The following BIN1 variants were observed in gnomAD, a reference collection of about 807,000 sequenced individuals.
The protein encoded by BIN1 is bridging integrator 1.
In BIN1, 53 loss-of-function variants were observed where a neutral mutation model predicts 82.0. The observed-to-expected ratio is 0.65, with a 90% CI of 0.52 to 0.81. BIN1 has a LOEUF of 0.81. Among genes scored for constraint, BIN1 ranks in the 40% least tolerant of loss-of-function variants. The pLI is 0.00. For synonymous variants in BIN1, 302 were observed against 328.0 expected, an observed-to-expected ratio of 0.92 and a Z score of 0.86; for missense variants, 642 against 784.4, an observed-to-expected ratio of 0.82 and a Z score of 2.17.
In BIN1 at chr2:127,068,858, G is replaced by A. The variant is rs1685495187; in HGVS notation, c.519+66C>T. Reference sequence around the variant, plus strand: ...GGCAGGAGGAAGCCTCCACCCTCGGGGTCCTAGACACCCGCCCTCTCTCAG... The same window carrying A: ...GGCAGGAGGAAGCCTCCACCCTCGGAGTCCTAGACACCCGCCCTCTCTCAG... On this transcript the variant is annotated intron_variant, in intron 6 of 18. Transcript: ENST00000316724. This position sits in a 1 kb window ranked among gnomAD's most constrained non-coding sequence, Gnocchi z 4.9. 1.4e-6 allele frequency: 2 copies of A among 1,465,176 alleles called. No individual in the cohort carries two copies. The highest frequency in any genetic ancestry group is 1.4e-5 in the African/African-American group (1 of 71,926). 90.8% of individuals were successfully genotyped at this position (1,465,176 alleles called of 1,614,324 possible).
intron 1 of BIN1, among the ~76,000 whole-genome samples, chr2:127,097,154 C>G (rs977055990): frequency 3.3e-5 from 5 of 152,216 alleles, no homozygotes; most frequent in African/African-American, 9.7e-5. Flanking sequence ...TGACCCAGCT[C>G]TGCAACAAAA....
At chr2:127,100,633 A>C (rs185842969) in intron 1 of BIN1, among the ~76,000 whole-genome samples, 53 of 152,320 alleles carry the variant, frequency 3.5e-4, no homozygotes, top group Admixed American at 7.2e-4. Context: ...CATTATGTTT[A>C]AGTTAATATT....
intron 1 of BIN1, among the ~76,000 whole-genome samples, chr2:127,106,582 G>A (rs1048692369): frequency 5.3e-5 from 8 of 152,166 alleles, no homozygotes; most frequent in African/African-American, 1.9e-4. Context: ...GAGCAGGGCC[G>A]GCCACTGCTG....
At chr2:127,085,709 T>C (rs1312386089) in intron 1 of BIN1, among the ~76,000 whole-genome samples, 1 of 152,120 alleles carries the variant, frequency 6.6e-6, no homozygotes, top group Non-Finnish European at 1.5e-5. Flanking sequence ...TCTGGGGGAA[T>C]GGGGTCCTCC....
intron 1 of BIN1, among the ~76,000 whole-genome samples, chr2:127,086,732 C>T (rs991132269): frequency 2.0e-5 from 3 of 151,950 alleles, no homozygotes; most frequent in Non-Finnish European, 4.4e-5. Flanking sequence ...GGTTTCGAAC[C>T]CCTGACCTCG....
chr2:127,074,651 C>T (rs1291467582), intron 2 of BIN1, among the ~76,000 whole-genome samples: 1 of 152,218 alleles, frequency 6.6e-6, no homozygotes, highest in African/African-American at 2.4e-5. Context: ...CACACAGAGT[C>T]TCAGCTCCCA....
Position 127,106,971 on chromosome 2 carries a change from G to A in BIN1, c.-28C>T, listed in dbSNP as rs1392585207. ...CGGCGCAGGCCTCGCCCGGTGGCAGGGGCCGCTCTCGCGCGGGGAGATCTT... is the reference window on the plus strand; with the variant it reads ...CGGCGCAGGCCTCGCCCGGTGGCAGAGGCCGCTCTCGCGCGGGGAGATCTT... On this transcript the variant is annotated 5_prime_UTR_variant, in exon 1 of 19. Transcript: ENST00000316724. 6 of 1,598,976 alleles carry A rather than the reference G, an allele frequency of 3.8e-6. No individual in the cohort carries two copies. The highest frequency in any genetic ancestry group is 4.6e-5 in the East Asian group (2 of 43,134).
chr2:127,077,451 G>A (rs981530152), intron 1 of BIN1, among the ~76,000 whole-genome samples: 9 of 152,180 alleles, frequency 5.9e-5, no homozygotes, highest in African/African-American at 2.2e-4. Flanking sequence ...TGAAGGATGG[G>A]TGGGCAAGGG....
chr2:127,101,003 GGGT>G lies in BIN1; in HGVS notation c.84+5854_84+5856del, dbSNP rs386650193. 2.9e-5 allele frequency among the ~76,000 whole-genome samples: 4 copies of G among 137,752 alleles called. 1 individual carries two copies. Among genetic ancestry groups the G allele is most frequent in the Admixed American group, 7.0e-5 (1 of 14,302 alleles). 90.4% of individuals were successfully genotyped at this position (137,752 alleles called of 152,430 possible). A position where few individuals can be genotyped will look rare whatever the true frequency, so the allele number is the denominator to read the frequency against. ...TTGCCCAAGGGTAGGAATGTGCGGG[GGGT>G]GGGGATAGACTCAAACTCAGCTGTC... is the stretch of plus-strand genomic sequence containing the variant. On this transcript the variant is annotated intron_variant, in intron 1 of 18. Transcript: ENST00000316724.
intron 1 of BIN1, among the ~76,000 whole-genome samples, chr2:127,106,288 C>T (rs1371288887): frequency 6.6e-6 from 1 of 152,244 alleles, no homozygotes; most frequent in Non-Finnish European, 1.5e-5. Context: ...AGGCACCTCT[C>T]GGGAAAGGAA....
At chr2:127,084,947 C>G (rs562412504) in intron 1 of BIN1, among the ~76,000 whole-genome samples, 1 of 152,210 alleles carries the variant, frequency 6.6e-6, no homozygotes, top group Non-Finnish European at 1.5e-5. Flanking sequence ...TGAAGTCACA[C>G]GTACAGAGGC....
rs762910398 is a variant in BIN1, at chr2:127,106,993, T to C, written c.-50A>G. 1.7e-5 allele frequency: 27 copies of C among 1,558,118 alleles called. No individual in the cohort carries two copies. The South Asian group carries it at 2.9e-4, about 17-fold the overall frequency. ...CAGGGGCCGCTCTCGCGCGGGGAGA[T>C]CTTGCGCGCCGCGCTCCCAGCCCCC... On this transcript the variant is annotated 5_prime_UTR_variant, in exon 1 of 19. Transcript: ENST00000316724.
At chr2:127,087,069 G>A (rs761654351) in intron 1 of BIN1, among the ~76,000 whole-genome samples, 15 of 152,160 alleles carry the variant, frequency 9.9e-5, no homozygotes, top group Non-Finnish European at 2.1e-4. Context: ...ATACTGGTGA[G>A]AGCAAAAAGT....
At chr2:127,099,580 C>T (rs1326924967) in intron 1 of BIN1, among the ~76,000 whole-genome samples, 1 of 152,220 alleles carries the variant, frequency 6.6e-6, no homozygotes, top group East Asian at 1.9e-4. Flanking sequence ...GTGACACGAT[C>T]TGGGCTCACT....
intron 1 of BIN1, among the ~76,000 whole-genome samples, chr2:127,083,918 C>A (rs530244858): frequency 6.6e-6 from 1 of 152,196 alleles, no homozygotes; most frequent in Admixed American, 6.5e-5. Flanking sequence ...TCCCACCGCA[C>A]CACAGCTGTG....
At position 127,067,636 on chromosome 2, in the gene BIN1, C is replaced by T. The variant is rs3820758; in HGVS notation, c.612+527G>A. Among the ~76,000 whole-genome samples, 1,251 of 152,292 alleles carry T rather than the reference C, an allele frequency of 8.2e-3. 79 individuals carry two copies. The East Asian group carries it at 0.17, about 21-fold the overall frequency. ...AGAGTCACCACGGGGACCACAAGTCCGAGGAAAATGACGCAGGGGCTTCAG... is the reference window on the plus strand; with the variant it reads ...AGAGTCACCACGGGGACCACAAGTCTGAGGAAAATGACGCAGGGGCTTCAG... On this transcript the variant is annotated intron_variant, in intron 7 of 18. Coordinates refer to ENST00000316724, the MANE Select transcript of BIN1 (RefSeq NM_139343.3). This position sits in a 1 kb window ranked among gnomAD's most constrained non-coding sequence, Gnocchi z 4.7.
At chr2:127,102,544 C>T (rs1680486643) in intron 1 of BIN1, among the ~76,000 whole-genome samples, 1 of 152,230 alleles carries the variant, frequency 6.6e-6, no homozygotes. Flanking sequence ...CCTGGAATGC[C>T]TTCTCCTTCC....
In BIN1 at chr2:127,093,042, C is replaced by A. The variant is rs76168490; in HGVS notation, c.84+13818G>T. On this transcript the variant is annotated intron_variant, in intron 1 of 18. Coordinates refer to ENST00000316724, the MANE Select transcript of BIN1 (RefSeq NM_139343.3). The surrounding 1 kb of genome is among the most constrained non-coding windows in gnomAD (Gnocchi z 5.7). Reference sequence around the variant, plus strand: ...AAAGGAGTGGGGCACAGCCTGGGGGCCCCCCCACAGATGCCAGGTCAGCCC... The same window carrying A: ...AAAGGAGTGGGGCACAGCCTGGGGGACCCCCCACAGATGCCAGGTCAGCCC... 2.0e-5 allele frequency among the ~76,000 whole-genome samples: 3 copies of A among 151,406 alleles called. No homozygotes were observed. The highest frequency in any genetic ancestry group is 7.3e-5 in the African/African-American group (3 of 41,210).
intron 1 of BIN1, among the ~76,000 whole-genome samples, chr2:127,083,295 G>A (rs1270880075): frequency 2.6e-5 from 4 of 151,978 alleles, no homozygotes; most frequent in Admixed American, 6.6e-5. Context: ...GCCCAGTTTT[G>A]TCTGGAACTC....
Sources: gnomAD v4.1 joint callset for allele counts (sites outside exome capture counted in the v4.1 genomes callset) on GRCh38, gnomAD v4.1.1 for gene constraint, Gnocchi (gnomAD v3.1) non-coding constraint, MANE v1.5 for transcripts, NCBI Gene and HGNC (gene_info 2026-07-23, HGNC 2026-07-21) for gene names.